Variants in TMEM135 observed in about 807,000 individuals in gnomAD.
The protein encoded by TMEM135 is transmembrane protein 135.
Under a neutral mutation model 60.3 loss-of-function variants are expected in TMEM135, and 30 were observed. That is an observed-to-expected ratio of 0.50 (90% CI 0.37 to 0.68). The LOEUF is 0.68. Ranked by LOEUF, TMEM135 falls within the 30% of genes least tolerant of loss-of-function variation. The probability of loss-of-function intolerance (pLI) is 0.00; values close to 1 mark genes in which losing one functional copy is unlikely to be tolerated. For missense variants in TMEM135, 468 were observed against 548.8 expected, an observed-to-expected ratio of 0.85 and a Z score of 1.47; for synonymous variants, 190 against 186.7, an observed-to-expected ratio of 1.02 and a Z score of -0.14.
At chr11:87,200,729 A>G (rs183626241) in intron 5 of TMEM135, among the ~76,000 whole-genome samples, 13 of 149,560 alleles carry the variant, frequency 8.7e-5, no homozygotes, top group Admixed American at 8.0e-4. Flanking sequence ...CATCATACAG[A>G]ATAGTTTCAC....
intron 6 of TMEM135, among the ~76,000 whole-genome samples, chr11:87,266,190 T>C (rs1311316332): frequency 6.6e-6 from 1 of 152,148 alleles, no homozygotes; most frequent in Admixed American, 6.5e-5. Flanking sequence ...ATATTACAAC[T>C]GGAAAGTTTT....
chr11:87,122,800 T>G (rs1443161905), intron 4 of TMEM135, among the ~76,000 whole-genome samples: 1 of 152,174 alleles, frequency 6.6e-6, no homozygotes, highest in Non-Finnish European at 1.5e-5. Context: ...TATTACTTGG[T>G]CAGATCTCAT....
In TMEM135 at chr11:87,326,699, A is replaced by T. The variant is rs1322545917; in HGVS notation, c.*5366A>T. ...ATCTTGAGCTCTCAAGGGAAAAAAC[A>T]GGAGTCCTTATTTTTCTATTTATTT... On this transcript the variant is annotated 3_prime_UTR_variant, in exon 15 of 15. Coordinates refer to ENST00000305494, the MANE Select transcript of TMEM135 (RefSeq NM_022918.4). 1 of 451,948 alleles carries T rather than the reference A, an allele frequency of 2.2e-6. No homozygotes were observed. Among genetic ancestry groups the T allele is most frequent in the Non-Finnish European group, 4.4e-6 (1 of 226,328 alleles). The allele number at this position is 451,948 out of a possible 1,614,324, so 28.0% of individuals were successfully genotyped here.
At chr11:87,310,125 T>A (rs1354164041) in intron 10 of TMEM135, among the ~76,000 whole-genome samples, 4 of 152,132 alleles carry the variant, frequency 2.6e-5, no homozygotes, top group Non-Finnish European at 5.9e-5. Context: ...TTGTAACTTA[T>A]ATAAGCAATG....
At chr11:87,231,479 A>G (rs500725) in intron 5 of TMEM135, among the ~76,000 whole-genome samples, 9,753 of 152,270 alleles carry the variant, frequency 0.064, 394 homozygotes, top group South Asian at 0.12. Flanking sequence ...AAATATCTTA[A>G]AAGCAAGTCT....
intron 4 of TMEM135, among the ~76,000 whole-genome samples, chr11:87,135,567 T>C (rs901159025): frequency 1.3e-5 from 2 of 151,678 alleles, no homozygotes; most frequent in African/African-American, 4.8e-5. Context: ...TGTGGGTCTC[T>C]TTCTGGACTC....
intron 13 of TMEM135, 105 bp from the exon 14 acceptor site, chr11:87,319,205 A>C: frequency 1.0e-6 from 1 of 991,944 alleles, no homozygotes; most frequent in Middle Eastern, 2.6e-4. Context: ...TATTTACAAA[A>C]ATTCTTGATA....
chr11:87,325,323 T>A lies in TMEM135; in HGVS notation c.*3990T>A. The stretch of plus-strand genomic sequence containing the variant: ...AGTAAGTTGGCCATGATATAGCTAG[T>A]GTCATAGGACTACAGCAGAGTAGTG... On this transcript the variant is annotated 3_prime_UTR_variant, in exon 15 of 15. Transcript: ENST00000305494. The A allele has an allele frequency of 2.2e-6, 1 of 454,104 alleles. No homozygotes were observed. The highest frequency in any genetic ancestry group is 4.4e-6 in the Non-Finnish European group (1 of 226,780). 28.1% of individuals were successfully genotyped at this position (454,104 alleles called of 1,614,324 possible).
At chr11:87,136,402 T>C (rs994268658) in intron 4 of TMEM135, among the ~76,000 whole-genome samples, 1 of 152,086 alleles carries the variant, frequency 6.6e-6, no homozygotes, top group Non-Finnish European at 1.5e-5. Context: ...TTCAGTGTGC[T>C]CAGATTTTCT....
chr11:87,301,445 G>T (rs1200444193), intron 7 of TMEM135, among the ~76,000 whole-genome samples: 2 of 151,898 alleles, frequency 1.3e-5, no homozygotes, highest in African/African-American at 4.8e-5. Flanking sequence ...GTTAAGGTGG[G>T]GTCTCACTTT....
intron 8 of TMEM135, among the ~76,000 whole-genome samples, chr11:87,305,571 C>G (rs1277381751): frequency 6.6e-6 from 1 of 151,808 alleles, no homozygotes; most frequent in Non-Finnish European, 1.5e-5. Flanking sequence ...GTCAGGAGCT[C>G]GAGACCAGCC....
At chr11:87,150,200 A>G (rs1300004243) in intron 4 of TMEM135, among the ~76,000 whole-genome samples, 1 of 143,568 alleles carries the variant, frequency 7.0e-6, no homozygotes, top group Non-Finnish European at 1.5e-5. Context: ...GGGCAACAAG[A>G]GCGAAACTCT....
chr11:87,144,466 A>G (rs756943404), intron 4 of TMEM135, among the ~76,000 whole-genome samples: 2 of 152,252 alleles, frequency 1.3e-5, no homozygotes, highest in African/African-American at 2.4e-5. Flanking sequence ...CTTCATTTAT[A>G]TAAACAGGTG....
chr11:87,139,647 A>G (rs1337404565), intron 4 of TMEM135, among the ~76,000 whole-genome samples: 2 of 152,182 alleles, frequency 1.3e-5, no homozygotes, highest in Non-Finnish European at 2.9e-5. Context: ...AACTGACTGT[A>G]CCATTTTGCC....
chr11:87,085,210 G>A (rs1183375302), intron 3 of TMEM135, among the ~76,000 whole-genome samples: 1 of 152,166 alleles, frequency 6.6e-6, no homozygotes, highest in Admixed American at 6.5e-5. Flanking sequence ...CAAAGAGTGT[G>A]GCTCTATAAT....
At chr11:87,202,205 T>C (rs1345695562) in intron 5 of TMEM135, among the ~76,000 whole-genome samples, 3 of 152,304 alleles carry the variant, frequency 2.0e-5, no homozygotes, top group East Asian at 1.9e-4. Context: ...TTTGTATTTT[T>C]AGTAGAGATG....
intron 4 of TMEM135, among the ~76,000 whole-genome samples, chr11:87,131,801 C>T (rs559246461): frequency 6.6e-6 from 1 of 152,270 alleles, no homozygotes; most frequent in African/African-American, 2.4e-5. Context: ...CTGGGCCATA[C>T]AACAGGAGGT....
intron 7 of TMEM135, among the ~76,000 whole-genome samples, chr11:87,297,370 A>G (rs1942365076): frequency 6.6e-6 from 1 of 152,054 alleles, no homozygotes; most frequent in African/African-American, 2.4e-5. Context: ...GGTTGTGAGA[A>G]CTCTGTGGGA....
chr11:87,176,898 A>C (rs1466335729), intron 5 of TMEM135, among the ~76,000 whole-genome samples: 1 of 152,192 alleles, frequency 6.6e-6, no homozygotes, highest in Non-Finnish European at 1.5e-5. Context: ...AAGGGTTAAA[A>C]AACAGTGCAT....
Sources: gnomAD v4.1 joint callset for allele counts (sites outside exome capture counted in the v4.1 genomes callset) on GRCh38, gnomAD v4.1.1 for gene constraint, MANE v1.5 for transcripts, NCBI Gene and HGNC (gene_info 2026-07-23, HGNC 2026-07-21) for gene names.